TMEFF2: variants seen among roughly 807,000 people sequenced by gnomAD.
TMEFF2 encodes the protein transmembrane protein with EGF like and two follistatin like domains 2.
Under a neutral mutation model 53.8 loss-of-function variants are expected in TMEFF2, and 28 were observed. The ratio of observed to expected loss-of-function variants is 0.52; its 90% CI spans 0.39 to 0.71. TMEFF2 has a LOEUF of 0.71. Among genes scored for constraint, TMEFF2 ranks in the 30% least tolerant of loss-of-function variants. The probability of loss-of-function intolerance (pLI) is 0.00; values close to 1 mark genes in which losing one functional copy is unlikely to be tolerated. For synonymous variants in TMEFF2, 162 were observed against 166.3 expected, an observed-to-expected ratio of 0.97 and a Z score of 0.20; for missense variants, 353 against 455.2, an observed-to-expected ratio of 0.78 and a Z score of 2.04.
At chr2:191,975,751 A>G (rs1348243221) in intron 7 of TMEFF2, among the ~76,000 whole-genome samples, 3 of 152,198 alleles carry the variant, frequency 2.0e-5, no homozygotes, top group Non-Finnish European at 4.4e-5. Flanking sequence ...ATTTGGAACA[A>G]TGAATCTTCC....
At chr2:192,186,356 T>G (rs553632424) in intron 2 of TMEFF2, among the ~76,000 whole-genome samples, 5 of 152,284 alleles carry the variant, frequency 3.3e-5, no homozygotes, top group African/African-American at 1.2e-4. Flanking sequence ...ATTTGAATTT[T>G]CCAATGAGTA....
rs757169033 is a variant in TMEFF2 at position 192,003,928 on chromosome 2, T to TGTGGG, written c.537-4721_537-4720insCCCAC. On this transcript the variant is annotated intron_variant, in intron 5 of 9. Transcript: ENST00000272771. ...GAGTGAAAAAATTTGTGTGTGTGTG[T>TGTGGG]GGGGGGGGGGCTCACACTCACCTCC... is the stretch of plus-strand genomic sequence containing the variant. Among the ~76,000 whole-genome samples the TGTGGG allele has an allele frequency of 6.8e-4, 81 of 119,284 alleles. 3 individuals are homozygous for TGTGGG. Among genetic ancestry groups the TGTGGG allele is most frequent in the South Asian group, 1.3e-3 (5 of 3,914 alleles). 78.3% of individuals were successfully genotyped at this position (119,284 alleles called of 152,430 possible).
chr2:191,989,528 T>A (rs1246647813), intron 7 of TMEFF2, among the ~76,000 whole-genome samples: 1 of 152,162 alleles, frequency 6.6e-6, no homozygotes, highest in East Asian at 1.9e-4. Context: ...TCAGTATAAC[T>A]GGGCTTCTCA....
intron 4 of TMEFF2, among the ~76,000 whole-genome samples, chr2:192,085,442 C>T (rs192757757): frequency 1.1e-4 from 17 of 152,226 alleles, no homozygotes; most frequent in Admixed American, 2.0e-4. Flanking sequence ...ACCACATAGT[C>T]GGGCATCACT....
At chr2:192,031,232 TTTATA>T (rs1687128711) in intron 5 of TMEFF2, 1 of 152,210 alleles carries the variant, frequency 6.6e-6, no homozygotes, top group African/African-American at 2.4e-5. Context: ...TGAGCATTTA[TTTATA>T]TTAAACTACA....
chr2:192,037,053 G>C (rs1028113564), intron 5 of TMEFF2: 2 of 152,152 alleles, frequency 1.3e-5, no homozygotes, highest in East Asian at 3.9e-4. Context: ...GTTACATGCT[G>C]TATTCCCAGG....
chr2:192,085,597 C>T (rs1009699147), intron 4 of TMEFF2, among the ~76,000 whole-genome samples: 1 of 151,874 alleles, frequency 6.6e-6, no homozygotes, highest in Non-Finnish European at 1.5e-5. Flanking sequence ...GGTTCCATCT[C>T]GCTATCTCAA....
chr2:191,964,569 T>C (rs1221771782), intron 7 of TMEFF2, among the ~76,000 whole-genome samples: 1 of 151,758 alleles, frequency 6.6e-6, no homozygotes, highest in Non-Finnish European at 1.5e-5. Flanking sequence ...TCTTTGCTCA[T>C]TTCCATCAGC....
chr2:192,100,103 T>C (rs1355200845), intron 4 of TMEFF2, among the ~76,000 whole-genome samples: 2 of 152,202 alleles, frequency 1.3e-5, no homozygotes, highest in Non-Finnish European at 1.5e-5. Flanking sequence ...TTTCATATTT[T>C]ATATTAGGAA....
At chr2:191,956,433 C>A in intron 7 of TMEFF2, 55 bp from the exon 8 acceptor site, 1 of 1,569,384 alleles carries the variant, frequency 6.4e-7, no homozygotes, top group South Asian at 1.2e-5. Flanking sequence ...CTGGTAAGAT[C>A]AACCAGTACA....
chr2:192,052,693 G>A (rs1687802484), intron 5 of TMEFF2, among the ~76,000 whole-genome samples: 1 of 152,052 alleles, frequency 6.6e-6, no homozygotes, highest in South Asian at 2.1e-4. Flanking sequence ...TCCCTTTTAT[G>A]TATAAATGTA....
intron 4 of TMEFF2, among the ~76,000 whole-genome samples, chr2:192,080,414 G>C (rs1399501715): frequency 6.6e-6 from 1 of 152,172 alleles, no homozygotes; most frequent in Non-Finnish European, 1.5e-5. Flanking sequence ...TTGTGAAGAA[G>C]GTGGCTGCTT....
chr2:192,033,154 G>A (rs940357773), intron 5 of TMEFF2, among the ~76,000 whole-genome samples: 1 of 152,140 alleles, frequency 6.6e-6, no homozygotes, highest in Non-Finnish European at 1.5e-5. Context: ...AAGAATTTCT[G>A]TGATGAACTA....
chr2:192,084,213 G>T (rs1364665309), intron 4 of TMEFF2, among the ~76,000 whole-genome samples: 1 of 152,130 alleles, frequency 6.6e-6, no homozygotes, highest in African/African-American at 2.4e-5. Context: ...CTTCTGCTTT[G>T]ATTTGGAAGG....
At chr2:192,078,592 C>T (rs957977498) in intron 4 of TMEFF2, among the ~76,000 whole-genome samples, 1 of 152,124 alleles carries the variant, frequency 6.6e-6, no homozygotes, top group Admixed American at 6.5e-5. Flanking sequence ...GCTGATTCTC[C>T]ATATTACAGC....
chr2:192,003,365 C>T (rs1686414378), intron 5 of TMEFF2, among the ~76,000 whole-genome samples: 1 of 151,988 alleles, frequency 6.6e-6, no homozygotes, highest in Non-Finnish European at 1.5e-5. Context: ...AAAGACAGAC[C>T]CAAACTCCTA....
At chr2:192,015,714 G>C (rs564363612) in intron 5 of TMEFF2, among the ~76,000 whole-genome samples, 7 of 152,222 alleles carry the variant, frequency 4.6e-5, no homozygotes, top group African/African-American at 1.7e-4. Flanking sequence ...GGGAAGGCTC[G>C]TTTCTATGAG....
chr2:191,958,917 C>A (rs900142744), intron 7 of TMEFF2, among the ~76,000 whole-genome samples: 11 of 152,080 alleles, frequency 7.2e-5, no homozygotes, highest in Admixed American at 7.2e-4. Context: ...GAATATATAA[C>A]CACTGCTAGT....
At chr2:192,173,318 C>T (rs1690960597) in intron 4 of TMEFF2, among the ~76,000 whole-genome samples, 1 of 151,720 alleles carries the variant, frequency 6.6e-6, no homozygotes, top group Non-Finnish European at 1.5e-5. Context: ...TATAATAGTG[C>T]TTTCTATAAA....
Sources: allele counts gnomAD v4.1 joint callset (sites outside exome capture counted in the v4.1 genomes callset), GRCh38; gene constraint gnomAD v4.1.1; transcripts MANE v1.5; gene names NCBI Gene and HGNC (gene_info 2026-07-23, HGNC 2026-07-21).